The following TPST1 variants were observed in gnomAD, a reference collection of about 807,000 sequenced individuals.
The protein encoded by TPST1 is tyrosylprotein sulfotransferase 1.
In TPST1, 20 loss-of-function variants were observed where a neutral mutation model predicts 34.8. The observed-to-expected ratio is 0.57, with a 90% confidence interval of 0.40 to 0.84. The LOEUF is 0.84. TPST1 is among the 40% of genes least tolerant of loss of function. The pLI is 0.00. For synonymous variants in TPST1, 152 were observed against 159.4 expected, an observed-to-expected ratio of 0.95 and a Z score of 0.35; for missense variants, 353 against 455.5, an observed-to-expected ratio of 0.78 and a Z score of 2.05.
intron 3 of TPST1, among the ~76,000 whole-genome samples, chr7:66,299,299 G>GT (rs35066356): frequency 0.59 from 73,131 of 124,116 alleles, 20,845 homozygotes; most frequent in African/African-American, 0.6. Flanking sequence ...ATGCTCTTAG[G>GT]TTTTTTTTTT....
chr7:66,309,098 A>G (rs1404217655), intron 3 of TPST1, among the ~76,000 whole-genome samples: 1 of 152,134 alleles, frequency 6.6e-6, no homozygotes, highest in Admixed American at 6.6e-5. Flanking sequence ...GGGTTTCACC[A>G]TGTTGGTCAG....
rs1791581191 is a variant in TPST1, at chr7:66,313,832, TCTCAAAATGGA to T, written c.1044+27126_1044+27136del. On this transcript the variant is annotated intron_variant, in intron 3 of 5. Coordinates refer to ENST00000304842, the MANE Select transcript of TPST1 (RefSeq NM_003596.4). Reference sequence around the variant, plus strand: ...TAAAATATTTCAATGTTGTTAGTTATCTCAAAATGGACTTTGTAGTTTTTTTTTCCTCCCCT... The same window carrying T: ...TAAAATATTTCAATGTTGTTAGTTATCTTTGTAGTTTTTTTTTCCTCCCCT... 2.6e-5 allele frequency among the ~76,000 whole-genome samples: 4 copies of T among 152,312 alleles called. No homozygotes were observed. In the South Asian group the frequency reaches 8.3e-4, roughly 32 times the overall value.
At chr7:66,283,110 A>G (rs183893674) in intron 2 of TPST1, among the ~76,000 whole-genome samples, 93 of 152,252 alleles carry the variant, frequency 6.1e-4, no homozygotes, top group Middle Eastern at 3.4e-3. Flanking sequence ...TAAAAATACA[A>G]AAATTAACTG....
intron 1 of TPST1, among the ~76,000 whole-genome samples, chr7:66,235,591 A>C (rs749293146): frequency 1.3e-5 from 2 of 152,104 alleles, no homozygotes; most frequent in Non-Finnish European, 2.9e-5. Flanking sequence ...AGCTGTATTG[A>C]AGTGTAATTT....
intron 5 of TPST1, 108 bp downstream of exon 5, chr7:66,356,979 T>C: frequency 9.4e-7 from 1 of 1,068,152 alleles, no homozygotes; most frequent in Non-Finnish European, 1.4e-6. Context: ...TCTGCCAGGG[T>C]TGGAATCCTG....
At chr7:66,304,877 G>GC (rs968685743) in intron 3 of TPST1, among the ~76,000 whole-genome samples, 2 of 151,740 alleles carry the variant, frequency 1.3e-5, no homozygotes, top group Non-Finnish European at 2.9e-5. Flanking sequence ...CAGTGCAGTG[G>GC]CGCCATCATA....
intron 3 of TPST1, among the ~76,000 whole-genome samples, chr7:66,343,650 C>A (rs1792284064): frequency 6.6e-6 from 1 of 152,120 alleles, no homozygotes; most frequent in Non-Finnish European, 1.5e-5. Flanking sequence ...AAACATAAAG[C>A]CTCAAACAAG....
At chr7:66,238,895 C>T (rs1012401718) in intron 1 of TPST1, among the ~76,000 whole-genome samples, 1 of 152,218 alleles carries the variant, frequency 6.6e-6, no homozygotes, top group Non-Finnish European at 1.5e-5. Flanking sequence ...CTAGCAGCTC[C>T]AGCTGTTTCA....
intron 2 of TPST1, among the ~76,000 whole-genome samples, chr7:66,250,455 T>C (rs138879289): frequency 6.6e-6 from 1 of 152,324 alleles, no homozygotes; most frequent in East Asian, 1.9e-4. Context: ...CAGACATAGG[T>C]TCAAATCCTA....
chr7:66,225,001 T>C (rs1417611524), intron 1 of TPST1, among the ~76,000 whole-genome samples: 3 of 128,878 alleles, frequency 2.3e-5, no homozygotes, highest in Non-Finnish European at 4.7e-5. Context: ...CACCACAACC[T>C]CCACCTCCTG....
intron 3 of TPST1, among the ~76,000 whole-genome samples, chr7:66,301,101 C>T (rs772046900): frequency 5.3e-5 from 8 of 152,182 alleles, no homozygotes; most frequent in Non-Finnish European, 1.0e-4. Context: ...GCATTGTCAA[C>T]GAGCAATAGT....
chr7:66,264,021 G>A (rs1431376155), intron 2 of TPST1, among the ~76,000 whole-genome samples: 1 of 152,176 alleles, frequency 6.6e-6, no homozygotes, highest in African/African-American at 2.4e-5. Flanking sequence ...AACAGCCTGT[G>A]TTTCTGTACT....
chr7:66,303,059 A>C (rs1477773021), intron 3 of TPST1, among the ~76,000 whole-genome samples: 1 of 152,110 alleles, frequency 6.6e-6, no homozygotes, highest in South Asian at 2.1e-4. Flanking sequence ...CTCAACTCAC[A>C]TGACACCTCT....
intron 3 of TPST1, among the ~76,000 whole-genome samples, chr7:66,295,994 T>G (rs937895935): frequency 6.6e-6 from 1 of 152,168 alleles, no homozygotes; most frequent in Non-Finnish European, 1.5e-5. Flanking sequence ...GCTATCTCCT[T>G]TGCACAATAG....
At chr7:66,293,197 C>A (rs1307779807) in intron 3 of TPST1, among the ~76,000 whole-genome samples, 6 of 151,024 alleles carry the variant, frequency 4.0e-5, no homozygotes, top group Admixed American at 4.0e-4. Context: ...CAGAGCGAGA[C>A]TCCATCTCAA....
At chr7:66,346,676 A>G (rs140071247) in intron 3 of TPST1, among the ~76,000 whole-genome samples, 57 of 151,934 alleles carry the variant, frequency 3.8e-4, no homozygotes, top group African/African-American at 1.4e-3. Context: ...TTTTTATTGT[A>G]TTATTCGATT....
chr7:66,358,269 T>C (rs1053240580), intron 5 of TPST1, among the ~76,000 whole-genome samples: 38 of 151,284 alleles, frequency 2.5e-4, no homozygotes, highest in African/African-American at 9.2e-4. Context: ...AATAAATAAA[T>C]AAAAATAAAA....
At chr7:66,278,421 A>G (rs1330817127) in intron 2 of TPST1, among the ~76,000 whole-genome samples, 1 of 152,104 alleles carries the variant, frequency 6.6e-6, no homozygotes, top group Non-Finnish European at 1.5e-5. Context: ...AGCTTGAGAT[A>G]GTTATTAGAC....
At chr7:66,354,725 G>A (rs1792549463) in intron 4 of TPST1, among the ~76,000 whole-genome samples, 1 of 152,070 alleles carries the variant, frequency 6.6e-6, no homozygotes, top group South Asian at 2.1e-4. Flanking sequence ...AGAAGAGCCA[G>A]GCATGAGGCT....
Sources: allele counts gnomAD v4.1 joint callset (sites outside exome capture counted in the v4.1 genomes callset), GRCh38; gene constraint gnomAD v4.1.1; transcripts MANE v1.5; gene names NCBI Gene and HGNC (gene_info 2026-07-23, HGNC 2026-07-21).